The following RALYL variants were observed in gnomAD, a reference collection of about 807,000 sequenced individuals.
The protein encoded by RALYL is RNA-binding Raly-like protein.
In RALYL, 29 loss-of-function variants were observed where a neutral mutation model predicts 35.1. That is an observed-to-expected ratio of 0.83 (90% CI 0.61 to 1.13). The LOEUF (loss-of-function observed/expected upper bound fraction) is 1.13. Ranked by LOEUF, RALYL falls within the 50% of genes most tolerant of loss-of-function variation. The pLI, the probability that RALYL is intolerant of heterozygous loss-of-function variation, is 0.00. For synonymous variants in RALYL, 120 were observed against 127.6 expected (o/e 0.94, Z 0.40); for missense variants, 359 against 360.4 (o/e 1.00, Z 0.03).
intron 1 of RALYL, among the ~76,000 whole-genome samples, chr8:84,435,798 A>G (rs2047649103): frequency 6.6e-6 from 1 of 152,148 alleles, no homozygotes; most frequent in Non-Finnish European, 1.5e-5. Context: ...ACTCCTGAAA[A>G]TAAGGCATTG....
At chr8:84,864,853 C>A in intron 6 of RALYL, 1 of 519,986 alleles carries the variant, frequency 1.9e-6, no homozygotes. Context: ...CAGAGAGTAC[C>A]CAGAAACAAG....
At chr8:84,869,972 T>C (rs1018627902) in intron 6 of RALYL, among the ~76,000 whole-genome samples, 4 of 152,016 alleles carry the variant, frequency 2.6e-5, no homozygotes, top group Non-Finnish European at 5.9e-5. Flanking sequence ...CAATGAACTC[T>C]ATAGAGAGAG....
At position 84,547,316 on chromosome 8, in the gene RALYL, T is replaced by C. The variant is rs373909292; in HGVS notation, c.256+17739T>C. ...GATATGCTATATTTTTCTAAAATTC[T>C]GTAGTTTTAGTAATTCTTTTATCCA... On this transcript the variant is annotated intron_variant, in intron 2 of 8. Coordinates refer to ENST00000521268, the MANE Select transcript of RALYL (RefSeq NM_173848.7). Among the ~76,000 whole-genome samples the C allele has an allele frequency of 5.3e-5, 8 of 152,310 alleles. No individual in the cohort carries two copies. In the East Asian group the frequency reaches 1.2e-3, roughly 22 times the overall value.
intron 2 of RALYL, among the ~76,000 whole-genome samples, chr8:84,625,926 G>A (rs926976930): frequency 6.6e-6 from 1 of 152,114 alleles, no homozygotes; most frequent in Non-Finnish European, 1.5e-5. Flanking sequence ...TGTGGTTGTG[G>A]TTATGTGGAG....
chr8:84,702,859 A>G (rs1405034143), intron 2 of RALYL, among the ~76,000 whole-genome samples: 1 of 152,152 alleles, frequency 6.6e-6, no homozygotes, highest in Non-Finnish European at 1.5e-5. Context: ...TGTGGAGTAT[A>G]AAGATTCAAT....
At chr8:84,470,067 A>T (rs1244013734) in intron 1 of RALYL, among the ~76,000 whole-genome samples, 2 of 152,108 alleles carry the variant, frequency 1.3e-5, no homozygotes, top group Non-Finnish European at 2.9e-5. Context: ...TGCACCCGGT[A>T]CCTCAGATGG....
intron 2 of RALYL, among the ~76,000 whole-genome samples, chr8:84,576,737 A>G (rs890809240): frequency 6.6e-6 from 1 of 152,322 alleles, no homozygotes; most frequent in Middle Eastern, 3.4e-3. Flanking sequence ...ATTGCTGGAG[A>G]CAAAATCTGA....
intron 4 of RALYL, among the ~76,000 whole-genome samples, chr8:84,813,108 C>T (rs115476409): frequency 3.3e-5 from 5 of 152,312 alleles, no homozygotes; most frequent in African/African-American, 1.2e-4. Context: ...TCCTCTATCC[C>T]TGTATTTCAC....
intron 2 of RALYL, among the ~76,000 whole-genome samples, chr8:84,611,784 C>T (rs919437790): frequency 1.3e-5 from 2 of 152,032 alleles, no homozygotes; most frequent in African/African-American, 4.8e-5. Flanking sequence ...ATTGTATCTC[C>T]ACTTTCCCTA....
At chr8:84,856,457 A>C (rs1836998089) in intron 5 of RALYL, among the ~76,000 whole-genome samples, 1 of 152,258 alleles carries the variant, frequency 6.6e-6, no homozygotes, top group African/African-American at 2.4e-5. Context: ...AGATCATTCA[A>C]GATTGCAATC....
At chr8:84,837,999 C>A (rs550613192) in intron 4 of RALYL, among the ~76,000 whole-genome samples, 3 of 152,062 alleles carry the variant, frequency 2.0e-5, no homozygotes, top group Admixed American at 1.3e-4. Context: ...ACCTAAGAAC[C>A]AAATAGTCAT....
At chr8:84,701,267 T>G (rs942982721) in intron 2 of RALYL, among the ~76,000 whole-genome samples, 18 of 152,150 alleles carry the variant, frequency 1.2e-4, no homozygotes, top group Admixed American at 3.3e-4. Context: ...TGGTCCAAGT[T>G]GCATGAGTTC....
intron 2 of RALYL, among the ~76,000 whole-genome samples, chr8:84,670,215 T>C (rs1832938563): frequency 6.6e-6 from 1 of 152,228 alleles, no homozygotes; most frequent in South Asian, 2.1e-4. Flanking sequence ...AGATCACTTT[T>C]AATATTTTTT....
rs903449938 is a variant in RALYL, at chr8:84,183,786, G to A, written c.-662G>A. On this transcript the variant is annotated 5_prime_UTR_variant, in exon 1 of 9. Coordinates refer to ENST00000521268, the MANE Select transcript of RALYL (RefSeq NM_173848.7). ...GATCGTTCTGTAGACAAGGCGCTGT[G>A]TCTCGGAGTCCGCGGCGACCGTGCC... 2.6e-5 allele frequency: 4 copies of A among 152,358 alleles called. No individual in the cohort carries two copies. Among genetic ancestry groups the A allele is most frequent in the African/African-American group, 7.3e-5 (3 of 41,334 alleles). The allele number at this position is 152,358 out of a possible 1,614,324, so 9.4% of individuals were successfully genotyped here. A position where few individuals can be genotyped will look rare whatever the true frequency, so the allele number is the denominator to read the frequency against.
chr8:84,236,169 G>T (rs1056040625), intron 1 of RALYL, among the ~76,000 whole-genome samples: 2 of 151,998 alleles, frequency 1.3e-5, no homozygotes, highest in African/African-American at 2.4e-5. Context: ...AGTTTGCAAC[G>T]TATATATTAC....
At chr8:84,422,084 C>A (rs1165854858) in intron 1 of RALYL, among the ~76,000 whole-genome samples, 1 of 151,006 alleles carries the variant, frequency 6.6e-6, no homozygotes, top group Non-Finnish European at 1.5e-5. Context: ...GGGAGGATTC[C>A]CTCTTTTTCT....
chr8:84,821,526 G>C (rs1563679597), intron 4 of RALYL, among the ~76,000 whole-genome samples: 1 of 152,118 alleles, frequency 6.6e-6, no homozygotes, highest in Non-Finnish European at 1.5e-5. Flanking sequence ...ATTGCTTTTA[G>C]AGCTATTGTG....
intron 2 of RALYL, among the ~76,000 whole-genome samples, chr8:84,662,945 A>G (rs1456167035): frequency 1.3e-5 from 2 of 152,068 alleles, no homozygotes; most frequent in African/African-American, 4.8e-5. Context: ...CTACAGATTA[A>G]GCACAGCATC....
chr8:84,866,726 ATAATAAC>A (rs1481635305), intron 6 of RALYL, among the ~76,000 whole-genome samples: 1 of 152,206 alleles, frequency 6.6e-6, no homozygotes, highest in Non-Finnish European at 1.5e-5. Context: ...GACAGTAAAA[ATAATAAC>A]TATTATTATC....
Sources: gnomAD v4.1 joint callset for allele counts (sites outside exome capture counted in the v4.1 genomes callset) on GRCh38, gnomAD v4.1.1 for gene constraint, MANE v1.5 for transcripts, NCBI Gene and HGNC (gene_info 2026-07-23, HGNC 2026-07-21) for gene names.